Variants in AKT1 observed in about 807,000 individuals in gnomAD.
AKT1 encodes AKT serine/threonine kinase 1, also known as RAC-alpha serine/threonine-protein kinase.
A neutral mutation model predicts 63.1 loss-of-function variants in AKT1; 21 were observed. That is an observed-to-expected ratio of 0.33 (90% CI 0.24 to 0.48). AKT1 has a LOEUF of 0.48. Among genes scored for constraint, AKT1 ranks in the 20% least tolerant of loss-of-function variants. The pLI, the probability that AKT1 is intolerant of heterozygous loss-of-function variation, is 0.99. For synonymous variants in AKT1, 257 were observed against 253.1 expected, an observed-to-expected ratio of 1.02 and a Z score of -0.15; for missense variants, 382 against 666.0, an observed-to-expected ratio of 0.57 and a Z score of 4.69.
intron 9 of AKT1, 38 bp downstream of exon 9, chr14:104,773,859 CCATGGGCGGCCCACA>C (rs1892546864): frequency 3.3e-6 from 5 of 1,536,176 alleles, no homozygotes. Context: ...ACCGGCCCCA[CCATGGGCGGCCCACA>C]GGCCGCGAAG....
intron 3 of AKT1, among the ~76,000 whole-genome samples, chr14:104,786,863 T>C (rs945201949): frequency 2.0e-5 from 3 of 152,154 alleles, no homozygotes; most frequent in Non-Finnish European, 4.4e-5. Flanking sequence ...GGCCCCAGTC[T>C]GTGGGGAGGC....
At chr14:104,785,065 C>T (rs1045963827) in intron 3 of AKT1, among the ~76,000 whole-genome samples, 8 of 152,206 alleles carry the variant, frequency 5.3e-5, no homozygotes, top group South Asian at 2.1e-4. Context: ...GCCCTGGGAG[C>T]GGGCGCCAGC....
At chr14:104,775,905 G>C in intron 5 of AKT1, 106 bp from the exon 6 acceptor site, 2 of 1,404,204 alleles carry the variant, frequency 1.4e-6, no homozygotes, top group Non-Finnish European at 9.6e-7. Context: ...CAGCTGTCGG[G>C]GTTCCCAGAG....
At position 104,775,700 on chromosome 14, in the gene AKT1, T is replaced by C. The variant is rs747700076; in HGVS notation, c.387A>G (p.Ser129=). 2.2e-5 allele frequency: 36 copies of C among 1,613,622 alleles called. No homozygotes were observed. Among genetic ancestry groups the C allele is most frequent in the Non-Finnish European group, 3.0e-5 (35 of 1,179,710 alleles). Reference sequence around the variant, plus strand: ...GGGACACCTCCATCTCTTCAGCCCCTGAGTTGTCACTGGGTGAGCCCGACC... The same window carrying C: ...GGGACACCTCCATCTCTTCAGCCCCCGAGTTGTCACTGGGTGAGCCCGACC... ...DFRSGSPSDN[S]GAEEMEVSLA... The change falls in exon 6 of 15, where the codon TCA becomes TCG. Residue 129 remains serine (S), a synonymous_variant. Transcript: ENST00000649815.
rs1893860138 is a variant in AKT1, at chr14:104,795,687, G to GT, written c.-462dup. ...GCTCGGTGCTCGGCCGCCTGCTCCCGTCTTCGGGCCGCGCTGCGTGCGCTG... is the reference window on the plus strand; with the variant it reads ...GCTCGGTGCTCGGCCGCCTGCTCCCGTTCTTCGGGCCGCGCTGCGTGCGCTG... On this transcript the variant is annotated 5_prime_UTR_variant, in exon 1 of 15. Coordinates refer to ENST00000649815, the MANE Select transcript of AKT1 (RefSeq NM_001382430.1). The surrounding 1 kb of genome is among the most constrained non-coding windows in gnomAD (Gnocchi z 5.1). 1 of 914 alleles carries GT rather than the reference G, an allele frequency of 1.1e-3. No homozygotes were observed. Among genetic ancestry groups the GT allele is most frequent in the Non-Finnish European group, 8.1e-3 (1 of 124 alleles). 0.1% of individuals were successfully genotyped at this position (914 alleles called of 1,614,324 possible).
At chr14:104,781,850 G>C (rs1893065425) in intron 3 of AKT1, among the ~76,000 whole-genome samples, 1 of 152,154 alleles carries the variant, frequency 6.6e-6, no homozygotes, top group Non-Finnish European at 1.5e-5. Context: ...CCAACACCCA[G>C]TTGCAGGGAG....
intron 5 of AKT1, 186 bp downstream of exon 5, chr14:104,776,471 TCA>T (rs1348314035): frequency 1.8e-6 from 1 of 541,108 alleles, no homozygotes; most frequent in Non-Finnish European, 3.3e-6. Context: ...ATCTCCAGCC[TCA>T]GTTTCCCCAC....
At position 104,784,387 on chromosome 14, in the gene AKT1, A is replaced by G. The variant is rs61759793; in HGVS notation, c.47-4171T>C. Among the ~76,000 whole-genome samples the G allele has an allele frequency of 8.6e-3, 1,308 of 151,298 alleles. 21 individuals carry two copies. The highest frequency in any genetic ancestry group is 0.03 in the African/African-American group (1,244 of 41,158). ...CGGTGGGGGGTAGGCAGTTGGCCAGACTCCTGTCCCTGCCCGGGGGGACAG... is the reference window on the plus strand; with the variant it reads ...CGGTGGGGGGTAGGCAGTTGGCCAGGCTCCTGTCCCTGCCCGGGGGGACAG... On this transcript the variant is annotated intron_variant, in intron 3 of 14. Coordinates refer to ENST00000649815, the MANE Select transcript of AKT1 (RefSeq NM_001382430.1).
intron 1 of AKT1, chr14:104,793,872 G>C (rs906121463): frequency 2.0e-5 from 3 of 152,262 alleles, no homozygotes; most frequent in African/African-American, 7.2e-5. Context: ...GAGGGGAGGA[G>C]GGTCCTCTCT....
At chr14:104,773,842 G>C (rs754687743) in intron 9 of AKT1, 70 bp downstream of exon 9, 3 of 1,473,324 alleles carry the variant, frequency 2.0e-6, no homozygotes, top group African/African-American at 2.8e-5. Flanking sequence ...CCGAGGCTCC[G>C]GGAAGGACCG....
intron 4 of AKT1, chr14:104,778,336 T>C (rs1892846548): frequency 2.0e-5 from 3 of 152,208 alleles, no homozygotes; most frequent in Non-Finnish European, 2.9e-5. Context: ...GGGGAGGGTG[T>C]GGGACAAGTC....
chr14:104,782,289 C>T (rs1374431751), intron 3 of AKT1, among the ~76,000 whole-genome samples: 2 of 152,142 alleles, frequency 1.3e-5, no homozygotes, highest in Non-Finnish European at 2.9e-5. Flanking sequence ...AGCTGCCACT[C>T]CCCGGGACGC....
At chr14:104,773,742 G>A in intron 9 of AKT1, 162 bp from the exon 10 acceptor site, 1 of 1,254,464 alleles carries the variant, frequency 8.0e-7, no homozygotes, top group Non-Finnish European at 1.1e-6. Flanking sequence ...TAACTCAGCA[G>A]GAACAAGTCA....
rs576628245 is a variant in AKT1 at position 104,777,429 on chromosome 14, A to G, written c.176-659T>C. 307 of 602,036 alleles carry G rather than the reference A, an allele frequency of 5.1e-4. 1 individual carries two copies. In the Middle Eastern group the frequency reaches 9.5e-3, roughly 19 times the overall value. 37.3% of individuals were successfully genotyped at this position (602,036 alleles called of 1,614,324 possible). A position where few individuals can be genotyped will look rare whatever the true frequency, so the allele number is the denominator to read the frequency against. On this transcript the variant is annotated intron_variant, in intron 4 of 14. Coordinates refer to ENST00000649815, the MANE Select transcript of AKT1 (RefSeq NM_001382430.1). ...CACCTGGGGCACACGCACACCTGGG[A>G]CACAGCCACACTGGAATACACAGAC...
At chr14:104,787,084 C>A (rs549733837) in intron 3 of AKT1, among the ~76,000 whole-genome samples, 2 of 152,110 alleles carry the variant, frequency 1.3e-5, no homozygotes, top group African/African-American at 4.8e-5. Context: ...CCAAACACAG[C>A]GCCCCAAGGA....
intron 4 of AKT1, among the ~76,000 whole-genome samples, chr14:104,779,374 G>A (rs1048007999): frequency 3.3e-5 from 5 of 152,210 alleles, no homozygotes; most frequent in South Asian, 2.1e-4. Flanking sequence ...GGAGAGGCAC[G>A]AGCTCTTCCT....
chr14:104,773,930 C>G lies in AKT1; in HGVS notation c.684G>C (p.Glu228Asp), dbSNP rs1276744835. 1.9e-6 allele frequency: 3 copies of G among 1,612,548 alleles called. No individual in the cohort carries two copies. Residue 228 changes from glutamate to aspartate, a missense_variant, in exon 9 of 15, where the codon GAG (glutamate) becomes GAC (aspartate). By Grantham distance (45) the Glu-to-Asp change is conservative. Around this residue, in one of 3 missense-constraint regions of AKT1, gnomAD observed 226 missense variants for 366.4 expected, o/e 0.62. Coordinates refer to ENST00000649815, the MANE Select transcript of AKT1 (RefSeq NM_001382430.1). ...QTHDRLCFVM[E>D]YANGGELFFH... ...CCCCTACCTCGCCCCCGTTGGCGTA[C>G]TCCATGACAAAGCAGAGGCGGTCGT...
Position 104,774,071 on chromosome 14 carries a change from T to TCGCCTGATACCACAC in AKT1, c.634-106_634-92dup, listed in dbSNP as rs1174683480. On this transcript the variant is annotated intron_variant, in intron 8 of 14. Coordinates refer to ENST00000649815, the MANE Select transcript of AKT1 (RefSeq NM_001382430.1). ...CGACACCACGCTGCTTGATACCACG[T>TCGCCTGATACCACAC]CGCCTGATACCACACCGCCCGTAGC... is the stretch of plus-strand genomic sequence containing the variant. 4.8e-6 allele frequency: 6 copies of TCGCCTGATACCACAC among 1,262,864 alleles called. No homozygotes were observed. The African/African-American group carries it at 9.2e-5, about 19-fold the overall frequency. 78.2% of individuals were successfully genotyped at this position (1,262,864 alleles called of 1,614,324 possible). A position where few individuals can be genotyped will look rare whatever the true frequency, so the allele number is the denominator to read the frequency against.
rs958261281 is a variant in AKT1, at chr14:104,769,933, C to T, written c.*408G>A. The T allele has an allele frequency of 1.9e-5, 8 of 411,110 alleles. No individual in the cohort carries two copies. The highest frequency in any genetic ancestry group is 2.3e-5 in the Non-Finnish European group (5 of 221,490). 25.5% of individuals were successfully genotyped at this position (411,110 alleles called of 1,614,324 possible). Reference sequence around the variant, plus strand: ...CACCAGGTTGAACTGAGGCCCAGGGCCCCAGAGAGATGACAGATAGCTGGT... The same window carrying T: ...CACCAGGTTGAACTGAGGCCCAGGGTCCCAGAGAGATGACAGATAGCTGGT... On this transcript the variant is annotated 3_prime_UTR_variant, in exon 15 of 15. Transcript: ENST00000649815.
Sources: gnomAD v4.1 joint callset for allele counts (sites outside exome capture counted in the v4.1 genomes callset) on GRCh38, gnomAD v4.1.1 for gene constraint, gnomAD v4.1.1 regional missense constraint, Gnocchi (gnomAD v3.1) non-coding constraint, MANE v1.5 for transcripts, NCBI Gene and HGNC (gene_info 2026-07-23, HGNC 2026-07-21) for gene names.